Variants in EXOC4 observed in about 807,000 individuals in gnomAD.
EXOC4 encodes the protein SEC8-like 1.
A neutral mutation model predicts 107.2 loss-of-function variants in EXOC4; 71 were observed. The observed-to-expected ratio is 0.66, with a 90% confidence interval of 0.55 to 0.81. The LOEUF is 0.81. Among genes scored for constraint, EXOC4 ranks in the 30% least tolerant of loss-of-function variants. EXOC4 has a pLI of 0.00. For synonymous variants in EXOC4, 456 were observed against 441.2 expected, an observed-to-expected ratio of 1.03 and a Z score of -0.42; for missense variants, 1,108 against 1,189.6, an observed-to-expected ratio of 0.93 and a Z score of 1.01.
At chr7:133,899,088 A>T (rs7798192) in intron 12 of EXOC4, among the ~76,000 whole-genome samples, 93,848 of 151,442 alleles carry the variant, frequency 0.62, 31,525 homozygotes, top group African/African-American at 0.89. Context: ...TCCATTAAAT[A>T]TAAAGCTTTT....
intron 14 of EXOC4, among the ~76,000 whole-genome samples, chr7:133,975,745 GCACACACA>G (rs57377025): frequency 6.0e-5 from 9 of 150,094 alleles, no homozygotes; most frequent in East Asian, 2.0e-4. Context: ...AAATGCGTGT[GCACACACA>G]CACACACACA....
chr7:133,877,223 T>C (rs893636248), intron 11 of EXOC4, among the ~76,000 whole-genome samples: 1 of 152,224 alleles, frequency 6.6e-6, no homozygotes, highest in Non-Finnish European at 1.5e-5. Context: ...ATAGCTGTTT[T>C]AACCTCCTTG....
At chr7:134,040,424 T>G (rs893795665) in intron 17 of EXOC4, among the ~76,000 whole-genome samples, 2 of 152,192 alleles carry the variant, frequency 1.3e-5, no homozygotes, top group African/African-American at 4.8e-5. Flanking sequence ...CTGTTCTGAT[T>G]CATTCTTCAA....
chr7:133,938,074 GTATC>G lies in EXOC4; in HGVS notation c.2206+8_2206+11del. 6.2e-7 allele frequency: 1 copy of G among 1,614,104 alleles called. No homozygotes were observed. Among genetic ancestry groups the G allele is most frequent in the Non-Finnish European group, 8.5e-7 (1 of 1,179,976 alleles). The stretch of plus-strand genomic sequence containing the variant: ...CCAATCTTTCTACATCCCAGAGTAA[GTATC>G]TAGTAGGAAGCTGTTGTGGGGACAG... On this transcript the variant is annotated splice_donor_region_variant and intron_variant, in intron 14 of 17. Transcript: ENST00000253861.
chr7:133,478,309 TG>T (rs5887632), intron 8 of EXOC4, among the ~76,000 whole-genome samples: 14,101 of 145,138 alleles, frequency 0.097, 1,506 homozygotes, highest in African/African-American at 0.27. Context: ...GTTGTGGTAT[TG>T]GGAAAAAAAA....
At chr7:133,997,667 T>G in intron 15 of EXOC4, 34 bp downstream of exon 15, 2 of 1,602,930 alleles carry the variant, frequency 1.2e-6, no homozygotes, top group Non-Finnish European at 1.7e-6. Flanking sequence ...CCTTGCAATT[T>G]GAATGCACTG....
chr7:133,580,261 C>T (rs1199717507), intron 9 of EXOC4, among the ~76,000 whole-genome samples: 5 of 152,166 alleles, frequency 3.3e-5, no homozygotes, highest in Non-Finnish European at 5.9e-5. Context: ...ATTTGGGTTG[C>T]TTTCAGCTTT....
At chr7:133,538,814 G>C (rs1384519651) in intron 9 of EXOC4, among the ~76,000 whole-genome samples, 1 of 134,072 alleles carries the variant, frequency 7.5e-6, no homozygotes, top group Non-Finnish European at 1.5e-5. Flanking sequence ...TTGGGCTACA[G>C]AGCAAGACCC....
rs1246746741 is a variant in EXOC4, at chr7:133,541,781, G to A, written c.1417+61643G>A. ...TAAAGGAAAATTCTTAGTGGATGTT[G>A]GCCTCTATTTGGTGAATGAATAAGC... On this transcript the variant is annotated intron_variant, in intron 9 of 17. Coordinates refer to ENST00000253861, the MANE Select transcript of EXOC4 (RefSeq NM_021807.4). Among the ~76,000 whole-genome samples, 3 of 151,968 alleles carry A rather than the reference G, an allele frequency of 2.0e-5. No individual in the cohort carries two copies. In the South Asian group the frequency reaches 6.2e-4, roughly 32 times the overall value.
intron 7 of EXOC4, among the ~76,000 whole-genome samples, chr7:133,389,924 GA>G (rs1796815033): frequency 6.6e-6 from 1 of 151,860 alleles, no homozygotes; most frequent in African/African-American, 2.4e-5. Flanking sequence ...CATGTGCAGG[GA>G]AATTCCCATT....
At chr7:133,507,168 A>G (rs1799681985) in intron 9 of EXOC4, among the ~76,000 whole-genome samples, 1 of 152,104 alleles carries the variant, frequency 6.6e-6, no homozygotes, top group African/African-American at 2.4e-5. Context: ...CTAGTGTCTC[A>G]CAGTCCTTAT....
chr7:134,047,283 A>G (rs28579348), intron 17 of EXOC4, among the ~76,000 whole-genome samples: 2,638 of 152,198 alleles, frequency 0.017, 85 homozygotes, highest in African/African-American at 0.06. Flanking sequence ...GTCCTAAAAA[A>G]TGAATGCAAA....
intron 6 of EXOC4, among the ~76,000 whole-genome samples, chr7:133,374,264 C>G (rs972515908): frequency 1.3e-5 from 2 of 151,436 alleles, no homozygotes; most frequent in Non-Finnish European, 2.9e-5. Flanking sequence ...AATGTGGATG[C>G]CTGAGCTTCT....
intron 9 of EXOC4, among the ~76,000 whole-genome samples, chr7:133,531,278 T>A (rs933166839): frequency 1.3e-5 from 2 of 152,134 alleles, no homozygotes; most frequent in Non-Finnish European, 2.9e-5. Context: ...TTTCCTAAGT[T>A]AACTCTTGAA....
chr7:134,092,846 C>A, the EXOC4 span, among the ~76,000 whole-genome samples: 2 of 149,248 alleles, frequency 1.3e-5, no homozygotes, highest in Non-Finnish European at 3.0e-5. Context: ...TTGCTCGAAC[C>A]CAGGAGGCAG....
rs569994574 is a variant in EXOC4, at chr7:133,253,379, G to A, written c.86+192G>A. ...CCTCCACCTTTTTTTTCTGGGGTTA[G>A]CTATAGAGAGAGGAGCCCCGCCTCA... On this transcript the variant is annotated intron_variant, in intron 1 of 17. Coordinates refer to ENST00000253861, the MANE Select transcript of EXOC4 (RefSeq NM_021807.4). 8.8e-6 allele frequency: 12 copies of A among 1,366,120 alleles called. No individual in the cohort carries two copies. The African/African-American group carries it at 1.6e-4, about 19-fold the overall frequency. The allele number at this position is 1,366,120 out of a possible 1,614,324, so 84.6% of individuals were successfully genotyped here.
chr7:134,077,227 A>G, the EXOC4 span, among the ~76,000 whole-genome samples: 1 of 152,186 alleles, frequency 6.6e-6, no homozygotes, highest in Non-Finnish European at 1.5e-5. Flanking sequence ...AAGAACCAAG[A>G]GCTCCAATGT....
At chr7:133,856,534 GTA>G (rs1195980860) in intron 11 of EXOC4, among the ~76,000 whole-genome samples, 1 of 152,160 alleles carries the variant, frequency 6.6e-6, no homozygotes, top group Non-Finnish European at 1.5e-5. Context: ...TCCTAGTGGA[GTA>G]TCCAACATGT....
the EXOC4 span, among the ~76,000 whole-genome samples, chr7:134,095,975 A>T: frequency 6.6e-6 from 1 of 152,206 alleles, no homozygotes; most frequent in South Asian, 2.1e-4. Context: ...GACCTAATTA[A>T]AGAGTTTCTT....
Sources: gnomAD v4.1 joint callset for allele counts (sites outside exome capture counted in the v4.1 genomes callset) on GRCh38, gnomAD v4.1.1 for gene constraint, MANE v1.5 for transcripts, NCBI Gene and HGNC (gene_info 2026-07-23, HGNC 2026-07-21) for gene names.